The following SCML4 variants were observed in gnomAD, a reference collection of about 807,000 sequenced individuals.
SCML4 encodes the protein sex comb on midleg-like protein 4.
A neutral mutation model predicts 41.1 loss-of-function variants in SCML4; 34 were observed. That is an observed-to-expected ratio of 0.83 (90% CI 0.63 to 1.10). The LOEUF (loss-of-function observed/expected upper bound fraction) is 1.10. Ranked by LOEUF, SCML4 falls within the 50% of genes least tolerant of loss-of-function variation. SCML4 has a pLI of 0.00. For missense variants in SCML4, 522 were observed against 534.1 expected (o/e 0.98, Z 0.22); for synonymous variants, 214 against 220.9 (o/e 0.97, Z 0.28).
At chr6:107,786,137 C>A (rs936192736) in intron 1 of SCML4, among the ~76,000 whole-genome samples, 5 of 152,192 alleles carry the variant, frequency 3.3e-5, no homozygotes, top group African/African-American at 7.2e-5. Flanking sequence ...ATGAAACTGA[C>A]CTGCTTCTAA....
chr6:107,833,768 A>T, the SCML4 span, among the ~76,000 whole-genome samples: 59 of 152,336 alleles, frequency 3.9e-4, 1 homozygote, highest in African/African-American at 1.2e-3. Context: ...AATTTTTTAC[A>T]AGAAATGTAC....
chr6:107,778,131 C>T (rs936341445), intron 1 of SCML4, among the ~76,000 whole-genome samples: 4 of 143,408 alleles, frequency 2.8e-5, no homozygotes, highest in South Asian at 2.2e-4. Flanking sequence ...ACAAGAATCA[C>T]TTGAATCCGG....
intron 2 of SCML4, among the ~76,000 whole-genome samples, chr6:107,757,729 AG>A (rs1479202382): frequency 6.6e-6 from 1 of 152,232 alleles, no homozygotes; most frequent in African/African-American, 2.4e-5. Context: ...ACTCAATAAA[AG>A]TTAATTGTCA....
chr6:107,832,683 A>G, the SCML4 span, among the ~76,000 whole-genome samples: 8 of 152,196 alleles, frequency 5.3e-5, no homozygotes, highest in Admixed American at 5.2e-4. Flanking sequence ...CAGGGCTCTT[A>G]CTAAGCAAAA....
chr6:107,788,538 C>T (rs768774897), intron 1 of SCML4, among the ~76,000 whole-genome samples: 7 of 152,150 alleles, frequency 4.6e-5, no homozygotes, highest in South Asian at 2.1e-4. Context: ...TTTTTATTTG[C>T]CAAGCAAAAG....
At chr6:107,721,517 C>T (rs1333541336) in intron 5 of SCML4, among the ~76,000 whole-genome samples, 1 of 98,902 alleles carries the variant, frequency 1.0e-5, no homozygotes, top group Non-Finnish European at 2.0e-5. Context: ...GAGCAAAACT[C>T]CATCTCAAAA....
At chr6:107,825,028 C>T (rs1373607240), upstream of SCML4, among the ~76,000 whole-genome samples, 2 of 152,214 alleles carry the variant, frequency 1.3e-5, no homozygotes, top group Non-Finnish European at 2.9e-5. Flanking sequence ...TCTCTACCCA[C>T]CTCAACGTGG....
At chr6:107,752,882 A>G (rs1778805645) in intron 2 of SCML4, among the ~76,000 whole-genome samples, 1 of 152,178 alleles carries the variant, frequency 6.6e-6, no homozygotes, top group African/African-American at 2.4e-5. Context: ...TAAAGAAGCA[A>G]AGGGCATGGG....
At position 107,744,944 on chromosome 6, in the gene SCML4, C is replaced by A. The variant is rs1183873460; in HGVS notation, c.682+5G>T. On this transcript the variant is annotated splice_donor_5th_base_variant and intron_variant, in intron 5 of 7. Transcript: ENST00000369020. The stretch of plus-strand genomic sequence containing the variant: ...TGCAGGTGGGGGAAGCAGGACAAGG[C>A]CTACCTGATTCCATCCTCCCTTCCT... The A allele has an allele frequency of 1.9e-6, 3 of 1,599,800 alleles. No homozygotes were observed. The highest frequency in any genetic ancestry group is 2.6e-6 in the Non-Finnish European group (3 of 1,172,270).
the SCML4 span, among the ~76,000 whole-genome samples, chr6:107,840,421 C>T: frequency 5.9e-5 from 9 of 152,210 alleles, no homozygotes; most frequent in Non-Finnish European, 1.0e-4. Flanking sequence ...TTAAATCTCA[C>T]AGATTCCTGA....
At chr6:107,780,284 AT>A (rs561033235) in intron 1 of SCML4, among the ~76,000 whole-genome samples, 61 of 152,382 alleles carry the variant, frequency 4.0e-4, no homozygotes, top group African/African-American at 1.5e-3. Flanking sequence ...GTGAAAAAAA[AT>A]AAATTCCCTT....
At chr6:107,801,621 T>C (rs1003954204) in intron 1 of SCML4, among the ~76,000 whole-genome samples, 1 of 152,198 alleles carries the variant, frequency 6.6e-6, no homozygotes, top group African/African-American at 2.4e-5. Context: ...TTCTACATCC[T>C]AACTGGAAGC....
chr6:107,812,734 T>C (rs1784246983), intron 1 of SCML4, among the ~76,000 whole-genome samples: 1 of 152,168 alleles, frequency 6.6e-6, no homozygotes, highest in Admixed American at 6.5e-5. Context: ...GAGCTCTTCT[T>C]GGGTCTCATG....
At position 107,703,745 on chromosome 6, in the gene SCML4, G is replaced by C. The variant is rs1409343396; in HGVS notation, c.*1455C>G. Among the ~76,000 whole-genome samples, 1 of 152,186 alleles carries C rather than the reference G, an allele frequency of 6.6e-6. No homozygotes were observed. The highest frequency in any genetic ancestry group is 1.9e-4 in the East Asian group (1 of 5,192). Reference sequence around the variant, plus strand: ...TGCCTTTTCTGATTCACCTTTGGGCGAAGGGAGGCCCTGAGTCATCCCTAA... The same window carrying C: ...TGCCTTTTCTGATTCACCTTTGGGCCAAGGGAGGCCCTGAGTCATCCCTAA... On this transcript the variant is annotated 3_prime_UTR_variant, in exon 8 of 8. Coordinates refer to ENST00000369020, the MANE Select transcript of SCML4 (RefSeq NM_198081.5).
At chr6:107,763,885 G>A (rs1186798191) in intron 2 of SCML4, among the ~76,000 whole-genome samples, 1 of 152,188 alleles carries the variant, frequency 6.6e-6, no homozygotes, top group Non-Finnish European at 1.5e-5. Context: ...CCAGGCTATG[G>A]TATTTTGGTA....
At chr6:107,832,478 T>C in the SCML4 span, among the ~76,000 whole-genome samples, 8 of 152,156 alleles carry the variant, frequency 5.3e-5, no homozygotes, top group Admixed American at 5.2e-4. Flanking sequence ...GCAAGGAAGC[T>C]TCTTTCCTAG....
chr6:107,827,076 A>T (rs1427497436), upstream of SCML4, among the ~76,000 whole-genome samples: 3 of 149,034 alleles, frequency 2.0e-5, no homozygotes, highest in Admixed American at 1.3e-4. Flanking sequence ...AAATATATAT[A>T]TTTTTTATAT....
chr6:107,784,142 C>A (rs1462728621), intron 1 of SCML4, among the ~76,000 whole-genome samples: 2 of 152,200 alleles, frequency 1.3e-5, no homozygotes, highest in Non-Finnish European at 2.9e-5. Flanking sequence ...AAAAGGACAG[C>A]ATCTGCCTGC....
intron 2 of SCML4, among the ~76,000 whole-genome samples, chr6:107,759,389 G>A (rs1779397048): frequency 6.7e-6 from 1 of 148,898 alleles, no homozygotes; most frequent in Admixed American, 6.7e-5. Flanking sequence ...AGGCAGAATG[G>A]ATGGGGAAGT....
Sources: allele counts gnomAD v4.1 joint callset (sites outside exome capture counted in the v4.1 genomes callset), GRCh38; gene constraint gnomAD v4.1.1; transcripts MANE v1.5; gene names NCBI Gene and HGNC (gene_info 2026-07-23, HGNC 2026-07-21).